Variants in GRTP1 observed in about 807,000 individuals in gnomAD.
GRTP1 encodes growth hormone-regulated TBC protein 1.
In GRTP1, 56 loss-of-function variants were observed where a neutral mutation model predicts 38.1. That is an observed-to-expected ratio of 1.47 (90% CI 1.19 to 1.84). The LOEUF (loss-of-function observed/expected upper bound fraction) is 1.84, where lower values mean the gene tolerates loss of function less well. Among genes scored for constraint, GRTP1 ranks in the 40% most tolerant of loss-of-function variants. The pLI, the probability that GRTP1 is intolerant of heterozygous loss-of-function variation, is 0.00. For synonymous variants in GRTP1, 217 were observed against 189.5 expected, an observed-to-expected ratio of 1.14 and a Z score of -1.19; for missense variants, 506 against 453.9, an observed-to-expected ratio of 1.11 and a Z score of -1.04.
At chr13:113,355,718 T>C (rs1050059645) in intron 2 of GRTP1, 6 of 371,468 alleles carry the variant, frequency 1.6e-5, no homozygotes, top group East Asian at 4.4e-5. Context: ...CCACGCCCAC[T>C]TCACCATTCA....
At chr13:113,325,018 C>G in intron 7 of GRTP1, 1 of 694,688 alleles carries the variant, frequency 1.4e-6, no homozygotes, top group South Asian at 5.9e-5. Flanking sequence ...TTAGTAGAGA[C>G]GGGGTTTCAC....
chr13:113,343,175 C>T lies in GRTP1; in HGVS notation c.562+1688G>A, dbSNP rs1279166538. On this transcript the variant is annotated intron_variant, in intron 5 of 7. Transcript: ENST00000375431. The surrounding 1 kb of genome is among the most constrained non-coding windows in gnomAD (Gnocchi z 4.8). ...TGCACTCAGACATAACCGAAGCAGGCTGTGAGCCCGTTTCCATGTCCTACC... is the reference window on the plus strand; with the variant it reads ...TGCACTCAGACATAACCGAAGCAGGTTGTGAGCCCGTTTCCATGTCCTACC... 6.6e-6 allele frequency among the ~76,000 whole-genome samples: 1 copy of T among 152,204 alleles called. No homozygotes were observed. Among genetic ancestry groups the T allele is most frequent in the Non-Finnish European group, 1.5e-5 (1 of 68,040 alleles).
chr13:113,354,927 A>C (rs962520313), intron 3 of GRTP1, among the ~76,000 whole-genome samples: 1 of 152,200 alleles, frequency 6.6e-6, no homozygotes, highest in Admixed American at 6.5e-5. Flanking sequence ...GAGTCCAGCA[A>C]TTATGATAAC....
At position 113,324,213 on chromosome 13, in the gene GRTP1, CTT is replaced by C. The variant is rs2042726143; in HGVS notation, c.*273_*274del. On this transcript the variant is annotated 3_prime_UTR_variant, in exon 8 of 8. Transcript: ENST00000375431. ...GATCACAAACACAGGTGTTGGCATA[CTT>C]TATTAGATACAAACCCACACTCACA... The C allele has an allele frequency of 2.5e-6, 1 of 393,780 alleles. No homozygotes were observed. Among genetic ancestry groups the C allele is most frequent in the African/African-American group, 2.2e-5 (1 of 45,936 alleles). The allele number at this position is 393,780 out of a possible 1,614,324, so 24.4% of individuals were successfully genotyped here. A position where few individuals can be genotyped will look rare whatever the true frequency, so the allele number is the denominator to read the frequency against.
intron 3 of GRTP1, among the ~76,000 whole-genome samples, chr13:113,353,561 G>A (rs73565259): frequency 0.032 from 4,821 of 151,068 alleles, 232 homozygotes; most frequent in African/African-American, 0.11. Context: ...GCCAAAGCAC[G>A]GAGACAAGCG....
At chr13:113,345,837 C>T (rs2043095959) in intron 4 of GRTP1, among the ~76,000 whole-genome samples, 1 of 152,228 alleles carries the variant, frequency 6.6e-6, no homozygotes, top group Non-Finnish European at 1.5e-5. Context: ...AAGAGTTTCA[C>T]TCAAAAAGCA....
At chr13:113,340,738 C>T (rs1458442966) in intron 5 of GRTP1, among the ~76,000 whole-genome samples, 1 of 152,020 alleles carries the variant, frequency 6.6e-6, no homozygotes, top group Non-Finnish European at 1.5e-5. Context: ...CGAGATTGCG[C>T]CACTGCACTC....
chr13:113,333,011 G>A (rs541007582), intron 5 of GRTP1, among the ~76,000 whole-genome samples: 8 of 152,294 alleles, frequency 5.3e-5, no homozygotes, highest in South Asian at 2.1e-4. Context: ...TTTTGAGGGC[G>A]GGGACATAAA....
chr13:113,356,255 A>ATATTT lies in GRTP1; in HGVS notation c.182-779_182-775dup, dbSNP rs555634470. 1.3e-3 allele frequency among the ~76,000 whole-genome samples: 202 copies of ATATTT among 152,156 alleles called. 1 individual carries two copies. The highest frequency in any genetic ancestry group is 0.01 in the Middle Eastern group (3 of 294). On this transcript the variant is annotated intron_variant, in intron 2 of 7. Transcript: ENST00000375431. ...GTTTTCCTTTGATACTACACTATAT[A>ATATTT]TATTTTATTTTATTTTATTTTATTT...
At chr13:113,341,266 T>C (rs370770591) in intron 5 of GRTP1, among the ~76,000 whole-genome samples, 1 of 152,094 alleles carries the variant, frequency 6.6e-6, no homozygotes, top group Non-Finnish European at 1.5e-5. Context: ...TATGTATGTA[T>C]GTTTGTATAT....
Position 113,348,314 on chromosome 13 carries a change from G to A in GRTP1, c.465+2535C>T, listed in dbSNP as rs1025403775. On this transcript the variant is annotated intron_variant, in intron 4 of 7. Transcript: ENST00000375431. The surrounding 1 kb of genome is among the most constrained non-coding windows in gnomAD (Gnocchi z 4.8). ...CAAAACATACAAAAATTACTCGAGCGTGGTGGCGCACCTGTGGTCCCAGCT... is the reference window on the plus strand; with the variant it reads ...CAAAACATACAAAAATTACTCGAGCATGGTGGCGCACCTGTGGTCCCAGCT... Among the ~76,000 whole-genome samples, 60 of 152,218 alleles carry A rather than the reference G, an allele frequency of 3.9e-4. No homozygotes were observed. Among genetic ancestry groups the A allele is most frequent in the African/African-American group, 1.3e-3 (52 of 41,558 alleles).
At chr13:113,347,808 G>A (rs1401874400) in intron 4 of GRTP1, among the ~76,000 whole-genome samples, 18 of 145,728 alleles carry the variant, frequency 1.2e-4, no homozygotes, top group African/African-American at 4.0e-4. Context: ...GAGCGGATCT[G>A]GGAGGACCTC....
intron 5 of GRTP1, among the ~76,000 whole-genome samples, chr13:113,344,279 C>T (rs2043066350): frequency 6.6e-6 from 1 of 152,212 alleles, no homozygotes; most frequent in Admixed American, 6.6e-5. Flanking sequence ...GCCAACCACA[C>T]AGCCCCAGCT....
intron 2 of GRTP1, among the ~76,000 whole-genome samples, chr13:113,357,195 A>G (rs2043408703): frequency 6.6e-6 from 1 of 152,270 alleles, no homozygotes; most frequent in Non-Finnish European, 1.5e-5. Context: ...CTGTAATCCC[A>G]GCACTTTGGG....
At chr13:113,345,373 G>A (rs1183517718) in intron 4 of GRTP1, among the ~76,000 whole-genome samples, 1 of 152,222 alleles carries the variant, frequency 6.6e-6, no homozygotes, top group African/African-American at 2.4e-5. Context: ...GTGCTGACAC[G>A]CGGGTGTTAG....
intron 7 of GRTP1, 98 bp from the exon 8 acceptor site, chr13:113,324,675 T>G (rs1054472129): frequency 1.3e-6 from 2 of 1,503,650 alleles, no homozygotes; most frequent in Non-Finnish European, 1.8e-6. Flanking sequence ...TCGTGTGAGG[T>G]GAGGGAGGAG....
At chr13:113,340,454 G>A (rs893979826) in intron 5 of GRTP1, among the ~76,000 whole-genome samples, 1 of 151,956 alleles carries the variant, frequency 6.6e-6, no homozygotes, top group African/African-American at 2.4e-5. Context: ...ACTCCAGCCT[G>A]GGTGACAGAC....
intron 2 of GRTP1, among the ~76,000 whole-genome samples, chr13:113,357,034 G>C (rs747193530): frequency 1.3e-5 from 2 of 152,268 alleles, no homozygotes; most frequent in Non-Finnish European, 2.9e-5. Context: ...CTTAAGGGCC[G>C]GGCGCAGTGG....
At position 113,355,353 on chromosome 13, in the gene GRTP1, T is replaced by C. The variant is rs747125905; in HGVS notation, c.310A>G (p.Asn104Asp). The C allele has an allele frequency of 1.9e-6, 3 of 1,614,084 alleles. No individual in the cohort carries two copies. Among genetic ancestry groups the C allele is most frequent in the Non-Finnish European group, 2.5e-6 (3 of 1,179,988 alleles). The part of the protein sequence containing the change: ...YYHQLLQGER[N>D]PRLEDAIRTD... ...CTGATGGCGTCCTCCAGCCTGGGGTTTCTCTCTCCCTGGAGAAGCTGGTGG... is the reference window on the plus strand; with the variant it reads ...CTGATGGCGTCCTCCAGCCTGGGGTCTCTCTCTCCCTGGAGAAGCTGGTGG... The change falls in exon 3 of 8, where the codon AAC (asparagine) becomes GAC (aspartate). Residue 104 changes from asparagine (N) to aspartate (D), a missense_variant. By Grantham distance (23) the Asn-to-Asp change is conservative. Coordinates refer to ENST00000375431, the MANE Select transcript of GRTP1 (RefSeq NM_024719.4).
Sources: allele counts gnomAD v4.1 joint callset (sites outside exome capture counted in the v4.1 genomes callset), GRCh38; gene constraint gnomAD v4.1.1; non-coding constraint Gnocchi (gnomAD v3.1); transcripts MANE v1.5; gene names NCBI Gene and HGNC (gene_info 2026-07-23, HGNC 2026-07-21).